LRRIQ1: variants seen among roughly 807,000 people sequenced by gnomAD.
LRRIQ1 encodes leucine rich repeats and IQ motif containing 1.
A neutral mutation model predicts 211.9 loss-of-function variants in LRRIQ1; 210 were observed. That is an observed-to-expected ratio of 0.99 (90% CI 0.89 to 1.11). The LOEUF (loss-of-function observed/expected upper bound fraction) is 1.11, where lower values mean the gene tolerates loss of function less well. LRRIQ1 is among the 50% of genes most tolerant of loss of function. The pLI, the probability that LRRIQ1 is intolerant of heterozygous loss-of-function variation, is 0.00. For synonymous variants in LRRIQ1, 699 were observed against 650.1 expected (o/e 1.08, Z -1.14); for missense variants, 2,136 against 1,939.5 (o/e 1.10, Z -1.90).
intron 26 of LRRIQ1, among the ~76,000 whole-genome samples, chr12:85,237,521 T>C (rs1480251175): frequency 6.6e-6 from 1 of 152,094 alleles, no homozygotes; most frequent in Non-Finnish European, 1.5e-5. Context: ...ACTATGTGAC[T>C]CATTGAGGTC....
At chr12:85,265,975 A>G (rs1250905070), downstream of LRRIQ1, among the ~76,000 whole-genome samples, 2 of 152,060 alleles carry the variant, frequency 1.3e-5, no homozygotes, top group Non-Finnish European at 2.9e-5. Flanking sequence ...AAAACAAGAG[A>G]ACTTGGATTC....
chr12:85,245,513 A>G (rs905968426), downstream of LRRIQ1, among the ~76,000 whole-genome samples: 3 of 149,278 alleles, frequency 2.0e-5, no homozygotes, highest in Admixed American at 6.8e-5. Context: ...ATACATTTAT[A>G]TAACATATTT....
intron 1 of LRRIQ1, among the ~76,000 whole-genome samples, chr12:85,261,070 T>C (rs1024873049): frequency 9.9e-5 from 15 of 152,198 alleles, no homozygotes; most frequent in African/African-American, 3.6e-4. Context: ...GTTGTTAGTC[T>C]CTCTACTGAG....
intron 25 of LRRIQ1, among the ~76,000 whole-genome samples, chr12:85,232,408 A>G (rs896227801): frequency 1.3e-5 from 2 of 152,154 alleles, no homozygotes; most frequent in Non-Finnish European, 2.9e-5. Flanking sequence ...TTTGTTAACC[A>G]TCTTTACTAG....
At chr12:85,076,846 A>G (rs148192426) in intron 11 of LRRIQ1, among the ~76,000 whole-genome samples, 43 of 151,940 alleles carry the variant, frequency 2.8e-4, no homozygotes, top group African/African-American at 9.9e-4. Flanking sequence ...GGGCAACACA[A>G]TGCTTAGTGT....
intron 18 of LRRIQ1, among the ~76,000 whole-genome samples, chr12:85,135,268 G>A (rs1889041136): frequency 2.6e-5 from 4 of 150,950 alleles, no homozygotes; most frequent in Admixed American, 2.6e-4. Flanking sequence ...ATCATCTCCT[G>A]GTTTTCTGTA....
chr12:85,158,336 A>T (rs1185805119), intron 23 of LRRIQ1, among the ~76,000 whole-genome samples: 1 of 151,900 alleles, frequency 6.6e-6, no homozygotes, highest in African/African-American at 2.4e-5. Context: ...GGAAAATTTA[A>T]ATTAGTAAAT....
rs1445713689 is a variant in LRRIQ1 at position 85,221,205 on chromosome 12, AT to A, written c.4823-8310del. ...CTAAAGTTTCTATTATAATAATTAA[AT>A]TAATCATGTTTAGACATATGTTATC... On this transcript the variant is annotated intron_variant, in intron 24 of 26. Transcript: ENST00000393217. Among the ~76,000 whole-genome samples the A allele has an allele frequency of 4.6e-5, 7 of 152,294 alleles. No individual in the cohort carries two copies. The East Asian group carries it at 1.4e-3, about 29-fold the overall frequency.
intron 16 of LRRIQ1, among the ~76,000 whole-genome samples, chr12:85,123,319 G>T (rs1328623904): frequency 6.6e-6 from 1 of 151,530 alleles, no homozygotes; most frequent in Non-Finnish European, 1.5e-5. Flanking sequence ...GCAGCTTGTG[G>T]CAATATATTA....
At chr12:85,045,976 T>C (rs779218936) in intron 4 of LRRIQ1, 44 bp from the exon 5 acceptor site, 2 of 1,119,586 alleles carry the variant, frequency 1.8e-6, no homozygotes, top group South Asian at 2.8e-5. Flanking sequence ...CTTTACTCTC[T>C]ATTTTGATTT....
At chr12:85,212,954 AAC>A (rs1205752997) in intron 24 of LRRIQ1, among the ~76,000 whole-genome samples, 1 of 151,432 alleles carries the variant, frequency 6.6e-6, no homozygotes, top group Non-Finnish European at 1.5e-5. Flanking sequence ...AAAAAAAAAT[AAC>A]ACAGTACAGA....
Position 85,157,282 on chromosome 12 carries a change from AGAG to A in LRRIQ1, c.4720+3196_4720+3198del, listed in dbSNP as rs1407818163. Among the ~76,000 whole-genome samples, 5 of 151,934 alleles carry A rather than the reference AGAG, an allele frequency of 3.3e-5. No homozygotes were observed. The East Asian group carries it at 7.8e-4, about 24-fold the overall frequency. ...GTAGAAGTGAGACCATCTGATTAAA[AGAG>A]GAGGAGGGTGGAGAAGGAAGAGGAG... On this transcript the variant is annotated intron_variant, in intron 23 of 26. Transcript: ENST00000393217.
At chr12:85,188,508 G>T (rs1013162156) in intron 24 of LRRIQ1, among the ~76,000 whole-genome samples, 13 of 152,096 alleles carry the variant, frequency 8.5e-5, no homozygotes, top group African/African-American at 3.1e-4. Flanking sequence ...CAAGATCAAA[G>T]CATTATAGAT....
Position 85,263,640 on chromosome 12 carries a change from A to G in LRRIQ1, c.*580A>G, listed in dbSNP as rs147841849. 163 of 152,060 alleles carry G rather than the reference A, an allele frequency of 1.1e-3. 1 individual carries two copies. The highest frequency in any genetic ancestry group is 3.7e-3 in the African/African-American group (154 of 41,542). The allele number at this position is 152,060 out of a possible 1,614,324, so 9.4% of individuals were successfully genotyped here. A position where few individuals can be genotyped will look rare whatever the true frequency, so the allele number is the denominator to read the frequency against. On this transcript the variant is annotated 3_prime_UTR_variant, in exon 2 of 2. Coordinates refer to the LRRIQ1 transcript ENST00000602731. ...AAAATAGAAATTTAAGTAATTACCAATTGGATAATTGGATATTTTATCTGT... is the reference window on the plus strand; with the variant it reads ...AAAATAGAAATTTAAGTAATTACCAGTTGGATAATTGGATATTTTATCTGT...
At chr12:85,151,027 C>T (rs1164790903) in intron 19 of LRRIQ1, among the ~76,000 whole-genome samples, 1 of 151,282 alleles carries the variant, frequency 6.6e-6, no homozygotes, top group Non-Finnish European at 1.5e-5. Flanking sequence ...TTGTTATTAA[C>T]TATAGTCACC....
chr12:85,251,947 A>G (rs866171817), intron 1 of LRRIQ1, among the ~76,000 whole-genome samples: 1 of 151,914 alleles, frequency 6.6e-6, no homozygotes, highest in Non-Finnish European at 1.5e-5. Context: ...TTGAAACTCA[A>G]ACTTTTCTCT....
chr12:85,185,983 T>C (rs1468890219), intron 24 of LRRIQ1, among the ~76,000 whole-genome samples: 2 of 152,200 alleles, frequency 1.3e-5, no homozygotes, highest in East Asian at 3.9e-4. Context: ...GTTTTAAGTA[T>C]AATGTACTTT....
At chr12:85,253,643 G>GT (rs1360013112) in intron 1 of LRRIQ1, among the ~76,000 whole-genome samples, 1 of 151,980 alleles carries the variant, frequency 6.6e-6, no homozygotes, top group African/African-American at 2.4e-5. Flanking sequence ...TAAATTTACA[G>GT]TTTTACATAA....
chr12:85,181,633 A>G (rs1383759381), intron 24 of LRRIQ1, among the ~76,000 whole-genome samples: 1 of 151,988 alleles, frequency 6.6e-6, no homozygotes, highest in Non-Finnish European at 1.5e-5. Flanking sequence ...ATCATCACAC[A>G]AATGCTAAAC....
Sources: allele counts gnomAD v4.1 joint callset (sites outside exome capture counted in the v4.1 genomes callset), GRCh38; gene constraint gnomAD v4.1.1; transcripts MANE v1.5; gene names NCBI Gene and HGNC (gene_info 2026-07-23, HGNC 2026-07-21).